Variants in ZNF385D observed in about 807,000 individuals in gnomAD.
ZNF385D encodes the protein zinc finger protein 385D.
A neutral mutation model predicts 35.8 loss-of-function variants in ZNF385D; 15 were observed. The observed-to-expected ratio is 0.42, with a 90% CI of 0.28 to 0.64. ZNF385D has a LOEUF of 0.64. ZNF385D is among the 30% of genes least tolerant of loss of function. ZNF385D has a pLI of 0.23. For missense variants in ZNF385D, 474 were observed against 494.6 expected, an observed-to-expected ratio of 0.96 and a Z score of 0.39; for synonymous variants, 212 against 186.8, an observed-to-expected ratio of 1.13 and a Z score of -1.10.
chr3:21,960,833 TA>T (rs1702546854), intron 3 of ZNF385D, among the ~76,000 whole-genome samples: 1 of 152,062 alleles, frequency 6.6e-6, no homozygotes, highest in Non-Finnish European at 1.5e-5. Context: ...GGCACAGAAA[TA>T]AATACTGTAT....
chr3:21,988,642 C>G, intron 3 of ZNF385D, among the ~76,000 whole-genome samples: 1 of 151,490 alleles, frequency 6.6e-6, no homozygotes. Flanking sequence ...GCCCTGCCCG[C>G]AGAGGTGGAG....
Position 21,964,412 on chromosome 3 carries a change from T to TAAAAA in ZNF385D, c.325+204400_325+204404dup, listed in dbSNP as rs60635259. ...CTGGCTCTACAGTTGGTCCTTTTTG[T>TAAAAA]AAAAAAAAAAAAAAAAAAAAGAAAA... is the stretch of plus-strand genomic sequence containing the variant. On this transcript the variant is annotated intron_variant, in intron 3 of 5. Coordinates refer to the ZNF385D transcript ENST00000494108. 7.5e-3 allele frequency among the ~76,000 whole-genome samples: 533 copies of TAAAAA among 71,368 alleles called. 21 individuals are homozygous for TAAAAA. Among genetic ancestry groups the TAAAAA allele is most frequent in the Middle Eastern group, 0.014 (1 of 72 alleles). The allele number at this position is 71,368 out of a possible 152,430, so 46.8% of individuals were successfully genotyped here.
At chr3:21,777,922 G>A (rs1320680732) in intron 3 of ZNF385D, 1 of 151,852 alleles carries the variant, frequency 6.6e-6, no homozygotes, top group African/African-American at 2.4e-5. Flanking sequence ...GACATAAGAA[G>A]CGGAATTGTC....
Position 21,697,681 on chromosome 3 carries a change from G to A in ZNF385D, c.23-32653C>T, listed in dbSNP as rs1488069179. On this transcript the variant is annotated intron_variant, in intron 1 of 7. Transcript: ENST00000281523. ...AGAGTAAGCAGACAATCTACAGAAC[G>A]GGAGAAAATATTTGCAAATTATGCC... Among the ~76,000 whole-genome samples, 4 of 152,034 alleles carry A rather than the reference G, an allele frequency of 2.6e-5. No homozygotes were observed. In the East Asian group the frequency reaches 5.8e-4, roughly 22 times the overall value.
intron 3 of ZNF385D, among the ~76,000 whole-genome samples, chr3:21,818,743 A>G (rs1008648269): frequency 6.6e-6 from 1 of 152,080 alleles, no homozygotes; most frequent in Admixed American, 6.6e-5. Flanking sequence ...ATAATTGTGG[A>G]GGTAGGTAAT....
At chr3:21,433,107 A>G (rs1575135320) in intron 5 of ZNF385D, among the ~76,000 whole-genome samples, 1 of 152,176 alleles carries the variant, frequency 6.6e-6, no homozygotes, top group African/African-American at 2.4e-5. Flanking sequence ...GCCCAGGTCC[A>G]TATAGAAATG....
chr3:21,887,034 C>A (rs1698583567), intron 3 of ZNF385D, among the ~76,000 whole-genome samples: 1 of 152,130 alleles, frequency 6.6e-6, no homozygotes, highest in South Asian at 2.1e-4. Context: ...TTGGGAGCAG[C>A]ATTTATTGAT....
intron 3 of ZNF385D, among the ~76,000 whole-genome samples, chr3:21,516,749 A>T (rs1170311110): frequency 6.6e-6 from 1 of 152,144 alleles, no homozygotes; most frequent in African/African-American, 2.4e-5. Context: ...ACATCTTAGT[A>T]AACTTTTGTT....
chr3:21,901,209 C>T, intron 3 of ZNF385D, among the ~76,000 whole-genome samples: 1 of 152,136 alleles, frequency 6.6e-6, no homozygotes, highest in East Asian at 1.9e-4. Context: ...ACGGTTAAAT[C>T]CTTGTGATCC....
chr3:22,314,213 C>G (rs1559514363), intron 2 of ZNF385D, among the ~76,000 whole-genome samples: 2 of 151,990 alleles, frequency 1.3e-5, no homozygotes, highest in Non-Finnish European at 2.9e-5. Flanking sequence ...TTTTGGTGCA[C>G]CCACCACCCA....
intron 2 of ZNF385D, among the ~76,000 whole-genome samples, chr3:22,357,341 C>A (rs1205350098): frequency 3.3e-5 from 5 of 151,860 alleles, no homozygotes; most frequent in Non-Finnish European, 7.4e-5. Flanking sequence ...CCCTCTACTA[C>A]TTTTCAATTA....
intron 2 of ZNF385D, among the ~76,000 whole-genome samples, chr3:22,334,861 C>A (rs1247885758): frequency 6.6e-6 from 1 of 151,626 alleles, no homozygotes; most frequent in Non-Finnish European, 1.5e-5. Flanking sequence ...ATAAATGGAA[C>A]TAATTTCCTG....
intron 2 of ZNF385D, among the ~76,000 whole-genome samples, chr3:21,585,765 T>TATC (rs1405090798): frequency 3.9e-4 from 59 of 152,296 alleles, no homozygotes; most frequent in African/African-American, 1.4e-3. Context: ...GTTTTCACTT[T>TATC]ATCATATAAA....
At chr3:22,188,337 A>G (rs558805455) in intron 2 of ZNF385D, among the ~76,000 whole-genome samples, 2 of 152,278 alleles carry the variant, frequency 1.3e-5, no homozygotes, top group African/African-American at 4.8e-5. Context: ...GCTAAATCCT[A>G]CCTATAATAG....
At chr3:21,871,690 A>C (rs2125847687) in intron 3 of ZNF385D, among the ~76,000 whole-genome samples, 1 of 152,184 alleles carries the variant, frequency 6.6e-6, no homozygotes, top group South Asian at 2.1e-4. Flanking sequence ...CTTTAAGAAA[A>C]CTGAACTTAG....
At chr3:21,491,170 G>A (rs1456583042) in intron 4 of ZNF385D, among the ~76,000 whole-genome samples, 2 of 142,022 alleles carry the variant, frequency 1.4e-5, no homozygotes, top group Non-Finnish European at 3.0e-5. Flanking sequence ...GGCAAAAGGG[G>A]TGGTACAGAT....
rs565948492 is a variant in ZNF385D, at chr3:22,021,196, C to T, written c.325+147621G>A. On this transcript the variant is annotated intron_variant, in intron 3 of 5. Transcript: ENST00000494108. ...TAGATACTCTAAAAGCCCTGACTTG[C>T]CACTACACAATCGATACATGAAACA... Among the ~76,000 whole-genome samples, 106 of 151,934 alleles carry T rather than the reference C, an allele frequency of 7.0e-4. No homozygotes were observed. The South Asian group carries it at 0.022, about 31-fold the overall frequency.
At chr3:21,723,765 G>T (rs2068639573) in intron 1 of ZNF385D, among the ~76,000 whole-genome samples, 1 of 152,088 alleles carries the variant, frequency 6.6e-6, no homozygotes, top group Non-Finnish European at 1.5e-5. Context: ...ACCTAGCAAG[G>T]CAGGCCAACA....
intron 2 of ZNF385D, among the ~76,000 whole-genome samples, chr3:22,217,324 C>G (rs1697951434): frequency 6.6e-6 from 1 of 152,158 alleles, no homozygotes; most frequent in Non-Finnish European, 1.5e-5. Context: ...ATGCGACCCT[C>G]TGTGGTGTGC....
Sources: allele counts gnomAD v4.1 joint callset (sites outside exome capture counted in the v4.1 genomes callset), GRCh38; gene constraint gnomAD v4.1.1; transcripts MANE v1.5; gene names NCBI Gene and HGNC (gene_info 2026-07-23, HGNC 2026-07-21).